CTDSPL: variants seen among roughly 807,000 people sequenced by gnomAD.
CTDSPL encodes CTD small phosphatase-like protein.
In CTDSPL, 8 loss-of-function variants were observed where a neutral mutation model predicts 30.5. The observed-to-expected ratio is 0.26, with a 90% CI of 0.15 to 0.47. The LOEUF (loss-of-function observed/expected upper bound fraction) is 0.47, where lower values mean the gene tolerates loss of function less well. Among genes scored for constraint, CTDSPL ranks in the 20% least tolerant of loss-of-function variants. The pLI is 0.99. For missense variants in CTDSPL, 248 were observed against 366.1 expected, an observed-to-expected ratio of 0.68 and a Z score of 2.63; for synonymous variants, 110 against 137.9, an observed-to-expected ratio of 0.80 and a Z score of 1.42.
At chr3:37,932,255 T>G (rs1254748075) in intron 1 of CTDSPL, among the ~76,000 whole-genome samples, 1 of 152,184 alleles carries the variant, frequency 6.6e-6, no homozygotes, top group Admixed American at 6.5e-5. Flanking sequence ...TTAAAAGATA[T>G]TTACTAGAAG....
At chr3:37,974,271 T>G (rs906900016) in intron 6 of CTDSPL, among the ~76,000 whole-genome samples, 1 of 152,184 alleles carries the variant, frequency 6.6e-6, no homozygotes, top group Non-Finnish European at 1.5e-5. Flanking sequence ...ACACAGCTGC[T>G]CCTGGACTCT....
intron 2 of CTDSPL, among the ~76,000 whole-genome samples, chr3:37,956,381 A>C (rs1011130364): frequency 2.0e-5 from 3 of 152,238 alleles, no homozygotes; most frequent in African/African-American, 7.2e-5. Context: ...AAGAAGAAAC[A>C]GAAACTGGAA....
chr3:37,889,940 A>C (rs1217888129), intron 1 of CTDSPL, among the ~76,000 whole-genome samples: 3 of 152,248 alleles, frequency 2.0e-5, no homozygotes, highest in Non-Finnish European at 4.4e-5. Context: ...ACATTTAAAA[A>C]TCTGCAAGGA....
chr3:37,924,704 T>G (rs1698760873), intron 1 of CTDSPL, among the ~76,000 whole-genome samples: 1 of 152,208 alleles, frequency 6.6e-6, no homozygotes, highest in Non-Finnish European at 1.5e-5. Flanking sequence ...ATATGTAGTT[T>G]CTTATGTGTT....
intron 1 of CTDSPL, among the ~76,000 whole-genome samples, chr3:37,896,417 G>C (rs1698390850): frequency 6.6e-6 from 1 of 151,982 alleles, no homozygotes; most frequent in Non-Finnish European, 1.5e-5. Context: ...GTGAAAAAGA[G>C]CTAGAAAGGT....
intron 1 of CTDSPL, among the ~76,000 whole-genome samples, chr3:37,871,771 C>A (rs1191513269): frequency 6.6e-6 from 1 of 151,932 alleles, no homozygotes; most frequent in Non-Finnish European, 1.5e-5. Context: ...TGTTATAGTC[C>A]CACAGATTTA....
At chr3:37,937,325 A>C (rs1324645172) in intron 1 of CTDSPL, among the ~76,000 whole-genome samples, 2 of 150,230 alleles carry the variant, frequency 1.3e-5, no homozygotes, top group Non-Finnish European at 3.0e-5. Context: ...GAGCTGTCTG[A>C]GTCCCAGGGA....
intron 1 of CTDSPL, among the ~76,000 whole-genome samples, chr3:37,920,768 C>T (rs1479628037): frequency 6.6e-6 from 1 of 152,238 alleles, no homozygotes; most frequent in Non-Finnish European, 1.5e-5. Flanking sequence ...CTTTCAGTAG[C>T]TCTAGGGGAT....
chr3:37,911,069 A>G (rs1216462179), intron 1 of CTDSPL, among the ~76,000 whole-genome samples: 1 of 152,232 alleles, frequency 6.6e-6, no homozygotes, highest in African/African-American at 2.4e-5. Context: ...ACAAAAAACA[A>G]ACAAAAAGAA....
At chr3:37,895,336 G>A (rs115916683) in intron 1 of CTDSPL, among the ~76,000 whole-genome samples, 44 of 152,284 alleles carry the variant, frequency 2.9e-4, no homozygotes, top group African/African-American at 1.1e-3. Context: ...AGGTTGCTTA[G>A]CGTCTGCCCC....
At chr3:37,881,704 T>C (rs1272442113) in intron 1 of CTDSPL, among the ~76,000 whole-genome samples, 1 of 151,946 alleles carries the variant, frequency 6.6e-6, no homozygotes, top group East Asian at 1.9e-4. Flanking sequence ...ACCATACATA[T>C]AAAGTGTGAA....
intron 3 of CTDSPL, among the ~76,000 whole-genome samples, chr3:37,963,263 C>G (rs1699262951): frequency 6.6e-6 from 1 of 152,194 alleles, no homozygotes. Flanking sequence ...CTGGGCAACC[C>G]TGGACAGTCT....
chr3:37,913,248 A>C (rs1698603758), intron 1 of CTDSPL, among the ~76,000 whole-genome samples: 1 of 152,186 alleles, frequency 6.6e-6, no homozygotes, highest in Non-Finnish European at 1.5e-5. Flanking sequence ...TGAGCCCAGG[A>C]GGTGGAGGTT....
At chr3:37,946,477 C>G (rs573349694) in intron 1 of CTDSPL, among the ~76,000 whole-genome samples, 3 of 152,302 alleles carry the variant, frequency 2.0e-5, no homozygotes, top group Admixed American at 2.0e-4. Context: ...GGATCCAGGC[C>G]CCCACCAACT....
chr3:37,893,039 G>A (rs1698345972), intron 1 of CTDSPL, among the ~76,000 whole-genome samples: 1 of 152,218 alleles, frequency 6.6e-6, no homozygotes, highest in African/African-American at 2.4e-5. Context: ...CAAGAGGGAG[G>A]AAAGGGAATT....
intron 1 of CTDSPL, among the ~76,000 whole-genome samples, chr3:37,890,617 A>G (rs1698314040): frequency 6.6e-6 from 1 of 152,086 alleles, no homozygotes; most frequent in Admixed American, 6.6e-5. Context: ...TGAATAGAAA[A>G]CTCAAACCAG....
chr3:37,975,984 A>G lies in CTDSPL; in HGVS notation c.705+90A>G. On this transcript the variant is annotated intron_variant, in intron 7 of 7. Transcript: ENST00000273179. This position sits in a 1 kb window ranked among gnomAD's most constrained non-coding sequence, Gnocchi z 4.9. ...ACCACTTTTGAGCACCTACACAAGAAGGTCTCTGGGCCTTTTCCTAATGAA... is the reference window on the plus strand; with the variant it reads ...ACCACTTTTGAGCACCTACACAAGAGGGTCTCTGGGCCTTTTCCTAATGAA... 7.3e-7 allele frequency: 1 copy of G among 1,362,562 alleles called. No individual in the cohort carries two copies. Among genetic ancestry groups the G allele is most frequent in the Admixed American group, 2.0e-5 (1 of 49,376 alleles). The allele number at this position is 1,362,562 out of a possible 1,614,324, so 84.4% of individuals were successfully genotyped here.
intron 1 of CTDSPL, among the ~76,000 whole-genome samples, chr3:37,887,234 T>C (rs1698273537): frequency 6.6e-6 from 1 of 152,182 alleles, no homozygotes; most frequent in Non-Finnish European, 1.5e-5. Context: ...TGGGAAACGC[T>C]CCGTTTGTCA....
At chr3:37,950,030 C>T (rs892852641) in intron 2 of CTDSPL, among the ~76,000 whole-genome samples, 4 of 152,380 alleles carry the variant, frequency 2.6e-5, no homozygotes, top group African/African-American at 9.6e-5. Context: ...GCTGGCGGAT[C>T]GCCTTGGAAA....
Sources: allele counts gnomAD v4.1 joint callset (sites outside exome capture counted in the v4.1 genomes callset), GRCh38; gene constraint gnomAD v4.1.1; non-coding constraint Gnocchi (gnomAD v3.1); transcripts MANE v1.5; gene names NCBI Gene and HGNC (gene_info 2026-07-23, HGNC 2026-07-21).